The following CNTNAP5 variants were observed in gnomAD, a reference collection of about 807,000 sequenced individuals.
The protein encoded by CNTNAP5 is contactin-associated protein-like 5.
A neutral mutation model predicts 150.2 loss-of-function variants in CNTNAP5; 72 were observed. The ratio of observed to expected loss-of-function variants is 0.48; its 90% CI spans 0.40 to 0.58. The LOEUF (loss-of-function observed/expected upper bound fraction) is 0.58, where lower values mean the gene tolerates loss of function less well. Ranked by LOEUF, CNTNAP5 falls within the 20% of genes least tolerant of loss-of-function variation. The pLI, the probability that CNTNAP5 is intolerant of heterozygous loss-of-function variation, is 0.00. For missense variants in CNTNAP5, 1,636 were observed against 1,626.2 expected, an observed-to-expected ratio of 1.01 and a Z score of -0.10; for synonymous variants, 672 against 619.8, an observed-to-expected ratio of 1.08 and a Z score of -1.25.
intron 10 of CNTNAP5, among the ~76,000 whole-genome samples, chr2:124,531,006 A>G (rs1344420676): frequency 6.6e-6 from 1 of 152,114 alleles, no homozygotes; most frequent in African/African-American, 2.4e-5. Flanking sequence ...TTTATTGTGC[A>G]CTTGATTTCT....
chr2:124,713,695 C>T (rs1410986006), intron 13 of CNTNAP5, among the ~76,000 whole-genome samples: 1 of 151,864 alleles, frequency 6.6e-6, no homozygotes, highest in Non-Finnish European at 1.5e-5. Context: ...TTCTTATTTC[C>T]ATCCTTGCTC....
At chr2:124,547,206 C>G (rs1010506014) in intron 10 of CNTNAP5, among the ~76,000 whole-genome samples, 10 of 152,068 alleles carry the variant, frequency 6.6e-5, no homozygotes, top group Admixed American at 6.6e-4. Context: ...AGAAACGGTG[C>G]ATTGAATGAC....
Position 124,735,714 on chromosome 2 carries a change from C to G in CNTNAP5, c.2078-11515C>G, listed in dbSNP as rs142425719. Among the ~76,000 whole-genome samples, 452 of 152,260 alleles carry G rather than the reference C, an allele frequency of 3.0e-3. 3 individuals are homozygous for G. The highest frequency in any genetic ancestry group is 0.01 in the African/African-American group (427 of 41,562). ...ATATTGGGATTTGGAGCCATAAGAT[C>G]TAAATTCAAGATCCTTTTTATTTTC... is the stretch of plus-strand genomic sequence containing the variant. On this transcript the variant is annotated intron_variant, in intron 13 of 23. Coordinates refer to ENST00000682447, the MANE Select transcript of CNTNAP5 (RefSeq NM_001367498.1).
intron 1 of CNTNAP5, among the ~76,000 whole-genome samples, chr2:124,036,253 G>A (rs1024732540): frequency 5.9e-5 from 9 of 152,042 alleles, no homozygotes; most frequent in Admixed American, 5.2e-4. Context: ...TCTGTGAACC[G>A]CATATTATCA....
At chr2:124,591,095 G>A (rs548498619) in intron 11 of CNTNAP5, among the ~76,000 whole-genome samples, 55 of 152,198 alleles carry the variant, frequency 3.6e-4, no homozygotes, top group South Asian at 8.3e-4. Context: ...TATGTCTATC[G>A]TTGTCCTTTT....
intron 3 of CNTNAP5, among the ~76,000 whole-genome samples, chr2:124,311,591 C>G (rs1688833957): frequency 6.6e-6 from 1 of 152,180 alleles, no homozygotes; most frequent in African/African-American, 2.4e-5. Flanking sequence ...GCTAAGGTTT[C>G]CATTCAATTT....
chr2:124,207,735 T>C (rs1412413468), intron 1 of CNTNAP5, among the ~76,000 whole-genome samples: 3 of 152,218 alleles, frequency 2.0e-5, no homozygotes, highest in African/African-American at 7.2e-5. Flanking sequence ...AAATGGGAGA[T>C]ATTTAGTGAA....
At chr2:124,609,201 T>G (rs1417744621) in intron 11 of CNTNAP5, among the ~76,000 whole-genome samples, 1 of 152,148 alleles carries the variant, frequency 6.6e-6, no homozygotes, top group Non-Finnish European at 1.5e-5. Flanking sequence ...GTCATAGAGA[T>G]AAGCAAAGAG....
chr2:124,189,878 C>T (rs950699989), intron 1 of CNTNAP5, among the ~76,000 whole-genome samples: 1 of 152,150 alleles, frequency 6.6e-6, no homozygotes, highest in African/African-American at 2.4e-5. Context: ...GCACATCAAC[C>T]CCTCGGAAAG....
intron 3 of CNTNAP5, among the ~76,000 whole-genome samples, chr2:124,339,998 G>A (rs1221335892): frequency 6.6e-6 from 1 of 152,074 alleles, no homozygotes; most frequent in East Asian, 1.9e-4. Context: ...AGGAACATTG[G>A]GAAGGTCACA....
intron 19 of CNTNAP5, among the ~76,000 whole-genome samples, chr2:124,804,605 G>C (rs1051812895): frequency 6.6e-6 from 1 of 152,112 alleles, no homozygotes. Context: ...AGAGAACTCT[G>C]TCTCCTGCTC....
intron 7 of CNTNAP5, among the ~76,000 whole-genome samples, chr2:124,494,966 T>G (rs1694113246): frequency 6.6e-6 from 1 of 152,194 alleles, no homozygotes. Flanking sequence ...AGATTTTAAG[T>G]ATGGAAATAA....
At chr2:124,826,240 T>G (rs1475387463) in intron 19 of CNTNAP5, among the ~76,000 whole-genome samples, 1 of 152,204 alleles carries the variant, frequency 6.6e-6, no homozygotes, top group Non-Finnish European at 1.5e-5. Flanking sequence ...CCAAAGTATT[T>G]GTCTTGCTGT....
chr2:124,450,443 A>G (rs76651976), intron 6 of CNTNAP5, among the ~76,000 whole-genome samples: 6,338 of 151,652 alleles, frequency 0.042, 163 homozygotes, highest in Non-Finnish European at 0.051. Flanking sequence ...AAGTGACACA[A>G]TGACTTTCTA....
rs1005681821 is a variant in CNTNAP5 at position 124,886,783 on chromosome 2, G to A, written c.3437-16099G>A. On this transcript the variant is annotated intron_variant, in intron 21 of 23. Transcript: ENST00000682447. ...TCCTGTGGAATTCCAAACTCCCCCTGCTTACCTCACCGGGAGGCATAGTTC... is the reference window on the plus strand; with the variant it reads ...TCCTGTGGAATTCCAAACTCCCCCTACTTACCTCACCGGGAGGCATAGTTC... Among the ~76,000 whole-genome samples, 6 of 151,994 alleles carry A rather than the reference G, an allele frequency of 3.9e-5. No individual in the cohort carries two copies. The South Asian group carries it at 1.0e-3, about 26-fold the overall frequency.
At chr2:124,430,522 G>T (rs1377914312) in intron 4 of CNTNAP5, among the ~76,000 whole-genome samples, 2 of 152,162 alleles carry the variant, frequency 1.3e-5, no homozygotes, top group Non-Finnish European at 2.9e-5. Context: ...TTGAAGAAAG[G>T]AACAGAAGAT....
intron 1 of CNTNAP5, among the ~76,000 whole-genome samples, chr2:124,202,379 G>A (rs999285445): frequency 1.2e-4 from 19 of 152,160 alleles, no homozygotes; most frequent in African/African-American, 3.9e-4. Flanking sequence ...AAATTTTGAA[G>A]GAAAACTTTG....
chr2:124,462,748 AC>A, intron 6 of CNTNAP5, among the ~76,000 whole-genome samples: 1 of 152,304 alleles, frequency 6.6e-6, no homozygotes, highest in Non-Finnish European at 1.5e-5. Flanking sequence ...CAGATAGAGA[AC>A]CACATATCAT....
Position 124,713,191 on chromosome 2 carries a change from C to T in CNTNAP5, c.2078-34038C>T, listed in dbSNP as rs1280093500. Reference sequence around the variant, plus strand: ...CCCTCTCTCTTTTCCTCCTTCCTTCCTTCCTCCCTCCCTTCCTTTCTTTCT... The same window carrying T: ...CCCTCTCTCTTTTCCTCCTTCCTTCTTTCCTCCCTCCCTTCCTTTCTTTCT... On this transcript the variant is annotated intron_variant, in intron 13 of 23. Coordinates refer to ENST00000682447, the MANE Select transcript of CNTNAP5 (RefSeq NM_001367498.1). Among the ~76,000 whole-genome samples the T allele has an allele frequency of 1.3e-5, 2 of 149,428 alleles. 1 individual carries two copies. The highest frequency in any genetic ancestry group is 3.0e-5 in the Non-Finnish European group (2 of 67,378).
Sources: allele counts gnomAD v4.1 joint callset (sites outside exome capture counted in the v4.1 genomes callset), GRCh38; gene constraint gnomAD v4.1.1; transcripts MANE v1.5; gene names NCBI Gene and HGNC (gene_info 2026-07-23, HGNC 2026-07-21).